NEDD4L: variants seen among roughly 807,000 people sequenced by gnomAD.
NEDD4L encodes E3 ubiquitin-protein ligase NEDD4-like.
NEDD4L carries 54 observed loss-of-function variants against 148.9 expected under a neutral mutation model. That is an observed-to-expected ratio of 0.36 (90% CI 0.29 to 0.45). NEDD4L has a LOEUF of 0.45. NEDD4L is among the 20% of genes least tolerant of loss of function. NEDD4L has a pLI of 1.00. For synonymous variants in NEDD4L, 433 were observed against 440.7 expected (o/e 0.98, Z 0.22); for missense variants, 856 against 1,233.8 (o/e 0.69, Z 4.59).
chr18:58,221,912 A>G (rs1439146323), intron 2 of NEDD4L, among the ~76,000 whole-genome samples: 1 of 152,226 alleles, frequency 6.6e-6, no homozygotes. Flanking sequence ...TGGTGTTCAC[A>G]GTTAGCTATA....
chr18:58,060,662 G>C (rs2082291532), intron 1 of NEDD4L, among the ~76,000 whole-genome samples: 1 of 152,108 alleles, frequency 6.6e-6, no homozygotes, highest in African/African-American at 2.4e-5. Flanking sequence ...ATGGGAGGAG[G>C]GGAAGAAGCC....
At position 58,081,009 on chromosome 18, in the gene NEDD4L, GGGTC is replaced by G. The variant is rs369005069; in HGVS notation, c.48+36302_48+36305del. The stretch of plus-strand genomic sequence containing the variant: ...GAACTCCAGAAATAAAAAGTTGTCT[GGGTC>G]TTTGAAAGCCTCCTATATGATAATG... On this transcript the variant is annotated intron_variant, in intron 1 of 30. Coordinates refer to ENST00000400345, the MANE Select transcript of NEDD4L (RefSeq NM_001144967.3). Among the ~76,000 whole-genome samples, 3 of 152,132 alleles carry G rather than the reference GGGTC, an allele frequency of 2.0e-5. No individual in the cohort carries two copies. In the East Asian group the frequency reaches 5.8e-4, roughly 29 times the overall value.
chr18:58,058,648 C>A (rs2082193642), intron 1 of NEDD4L, among the ~76,000 whole-genome samples: 2 of 152,188 alleles, frequency 1.3e-5, no homozygotes, highest in African/African-American at 4.8e-5. Flanking sequence ...AGAGACAGGC[C>A]TGGACAGGGG....
intron 1 of NEDD4L, chr18:58,149,614 C>T (rs2034464326): frequency 1.8e-6 from 2 of 1,128,780 alleles, no homozygotes; most frequent in East Asian, 2.6e-5. Flanking sequence ...CTTCCTGTGG[C>T]ATTCTGAAGC....
intron 1 of NEDD4L, among the ~76,000 whole-genome samples, chr18:58,069,536 T>C (rs1188841754): frequency 6.6e-6 from 1 of 152,228 alleles, no homozygotes; most frequent in Non-Finnish European, 1.5e-5. Flanking sequence ...GTGAATTTTC[T>C]AGATCTTTTG....
At chr18:58,174,210 C>G (rs77839521) in intron 2 of NEDD4L, among the ~76,000 whole-genome samples, 1 of 151,942 alleles carries the variant, frequency 6.6e-6, no homozygotes, top group East Asian at 1.9e-4. Flanking sequence ...CTCTCCTTCC[C>G]GTGTGGCTGG....
intron 1 of NEDD4L, among the ~76,000 whole-genome samples, chr18:58,129,491 C>T (rs1225615490): frequency 6.6e-6 from 1 of 152,238 alleles, no homozygotes. Flanking sequence ...TAAAATAGAG[C>T]ACCCAACTTG....
At chr18:58,247,824 T>TC (rs1384557727) in intron 3 of NEDD4L, among the ~76,000 whole-genome samples, 1 of 152,148 alleles carries the variant, frequency 6.6e-6, no homozygotes. Flanking sequence ...TCCACTCCCC[T>TC]CCCCTCGTTC....
At chr18:58,074,296 T>C (rs372197363) in intron 1 of NEDD4L, among the ~76,000 whole-genome samples, 19 of 151,618 alleles carry the variant, frequency 1.3e-4, no homozygotes, top group African/African-American at 4.6e-4. Context: ...AGTCTCACTC[T>C]GTCCCAGGTT....
In NEDD4L at chr18:58,256,851, C is replaced by T. The variant is rs1568491164; in HGVS notation, c.297+4797C>T. On this transcript the variant is annotated intron_variant, in intron 5 of 30. Transcript: ENST00000400345. The surrounding 1 kb of genome is among the most constrained non-coding windows in gnomAD (Gnocchi z 5.2). ...ACTCTGCGGCGTAACCAAAATAAAA[C>T]CTCACCCTCTGTTCCGGGAGTTTCC... The T allele has an allele frequency of 8.5e-7, 1 of 1,179,388 alleles. No homozygotes were observed. Among genetic ancestry groups the T allele is most frequent in the Admixed American group, 4.2e-5 (1 of 23,650 alleles). 73.1% of individuals were successfully genotyped at this position (1,179,388 alleles called of 1,614,324 possible).
chr18:58,294,747 C>T (rs1399925291), intron 5 of NEDD4L, among the ~76,000 whole-genome samples: 3 of 151,778 alleles, frequency 2.0e-5, no homozygotes, highest in Admixed American at 6.6e-5. Context: ...CTTGAACTCC[C>T]GGGCCTCAGG....
At chr18:58,263,546 A>G (rs984814274) in intron 5 of NEDD4L, among the ~76,000 whole-genome samples, 4 of 151,370 alleles carry the variant, frequency 2.6e-5, no homozygotes, top group Middle Eastern at 3.2e-3. Flanking sequence ...TCTTTCTTCT[A>G]TTGGTCATTC....
Position 58,288,328 on chromosome 18 carries a change from C to G in NEDD4L, c.298-27654C>G, listed in dbSNP as rs540691441. 2.0e-5 allele frequency among the ~76,000 whole-genome samples: 3 copies of G among 152,252 alleles called. No homozygotes were observed. In the East Asian group the frequency reaches 5.8e-4, roughly 29 times the overall value. On this transcript the variant is annotated intron_variant, in intron 5 of 30. Transcript: ENST00000400345. ...GCCCTAGAAACATGCATAAGTAACC[C>G]TGAGTAGTCTCTTAGTTTAAGAAAA...
chr18:58,331,121 G>A (rs574150660), intron 11 of NEDD4L, among the ~76,000 whole-genome samples: 1 of 152,256 alleles, frequency 6.6e-6, no homozygotes, highest in African/African-American at 2.4e-5. Context: ...GATTTGGAAG[G>A]CAGCTTTGCT....
At chr18:58,085,270 G>A (rs769929019) in intron 1 of NEDD4L, among the ~76,000 whole-genome samples, 5 of 151,906 alleles carry the variant, frequency 3.3e-5, no homozygotes, top group East Asian at 3.9e-4. Flanking sequence ...AAAGATGCGC[G>A]GACCACAGAT....
intron 5 of NEDD4L, among the ~76,000 whole-genome samples, chr18:58,314,066 A>G (rs1422004237): frequency 6.6e-6 from 1 of 152,330 alleles, no homozygotes; most frequent in Non-Finnish European, 1.5e-5. Flanking sequence ...GTCAATATTC[A>G]GTGAATTTCT....
chr18:58,079,802 C>G (rs1366072187), intron 1 of NEDD4L, among the ~76,000 whole-genome samples: 1 of 152,156 alleles, frequency 6.6e-6, no homozygotes, highest in East Asian at 1.9e-4. Flanking sequence ...CATGGGAACT[C>G]TGTACGGAAT....
intron 4 of NEDD4L, among the ~76,000 whole-genome samples, chr18:58,251,013 T>A (rs192915102): frequency 2.0e-5 from 3 of 152,290 alleles, no homozygotes; most frequent in East Asian, 3.9e-4. Flanking sequence ...TCTCTCATGG[T>A]TCACAGTCTA....
intron 1 of NEDD4L, among the ~76,000 whole-genome samples, chr18:58,147,107 G>A (rs548379631): frequency 6.6e-6 from 1 of 152,282 alleles, no homozygotes; most frequent in South Asian, 2.1e-4. Flanking sequence ...GTAGCAGGGT[G>A]GTTCATAGCT....
Sources: gnomAD v4.1 joint callset for allele counts (sites outside exome capture counted in the v4.1 genomes callset) on GRCh38, gnomAD v4.1.1 for gene constraint, Gnocchi (gnomAD v3.1) non-coding constraint, MANE v1.5 for transcripts, NCBI Gene and HGNC (gene_info 2026-07-23, HGNC 2026-07-21) for gene names.